COL27A1: variants seen among roughly 807,000 people sequenced by gnomAD.
COL27A1 encodes collagen alpha-1(XXVII) chain.
In COL27A1, 106 loss-of-function variants were observed where a neutral mutation model predicts 251.3. The observed-to-expected ratio is 0.42, with a 90% CI of 0.36 to 0.50. The LOEUF (loss-of-function observed/expected upper bound fraction) is 0.50. COL27A1 is among the 20% of genes least tolerant of loss of function. The probability of loss-of-function intolerance (pLI) is 0.00; values close to 1 mark genes in which losing one functional copy is unlikely to be tolerated. For synonymous variants in COL27A1, 1,000 were observed against 986.3 expected (o/e 1.01, Z -0.26); for missense variants, 2,325 against 2,522.8 (o/e 0.92, Z 1.68).
rs532652760 is a variant in COL27A1 at position 114,203,949 on chromosome 9, C to A, written c.2125-1153C>A. On this transcript the variant is annotated intron_variant, in intron 7 of 60. Transcript: ENST00000356083. Reference sequence around the variant, plus strand: ...TCTGTAAAATGGAGATGATAGTCGCCCCCGAGCCCAGCTCATCTGACTGTT... The same window carrying A: ...TCTGTAAAATGGAGATGATAGTCGCACCCGAGCCCAGCTCATCTGACTGTT... Among the ~76,000 whole-genome samples, 10 of 152,104 alleles carry A rather than the reference C, an allele frequency of 6.6e-5. No individual in the cohort carries two copies. The East Asian group carries it at 1.4e-3, about 21-fold the overall frequency.
intron 1 of COL27A1, among the ~76,000 whole-genome samples, chr9:114,161,073 G>A (rs1317038565): frequency 6.6e-6 from 1 of 152,128 alleles, no homozygotes; most frequent in East Asian, 1.9e-4. Flanking sequence ...GCAGTACTAG[G>A]GTTGGTGAAT....
chr9:114,163,131 G>T (rs537980382), intron 2 of COL27A1, among the ~76,000 whole-genome samples: 2 of 152,232 alleles, frequency 1.3e-5, no homozygotes, highest in East Asian at 3.9e-4. Context: ...CTACTCGGGA[G>T]GCTGAGGCAG....
In COL27A1 at chr9:114,197,701, A is replaced by G. The variant is rs146288144; in HGVS notation, c.2124+1689A>G. ...AAGGACCCCCAACCAAGAGGAGCCA[A>G]CTCACCTGAGCAGGGAGAGGCAGCT... On this transcript the variant is annotated intron_variant, in intron 7 of 60. Transcript: ENST00000356083. 5.4e-3 allele frequency among the ~76,000 whole-genome samples: 828 copies of G among 152,338 alleles called. 6 individuals carry two copies. The highest frequency in any genetic ancestry group is 0.019 in the African/African-American group (787 of 41,580).
At position 114,220,822 on chromosome 9, in the gene COL27A1, C is replaced by T. The variant is rs144932376; in HGVS notation, c.2421+978C>T. 4.2e-3 allele frequency among the ~76,000 whole-genome samples: 640 copies of T among 152,072 alleles called. 1 individual carries two copies. The highest frequency in any genetic ancestry group is 0.014 in the Middle Eastern group (4 of 294). The stretch of plus-strand genomic sequence containing the variant: ...CACCCTGGCCAACATGGCAAAACCC[C>T]GTCTCTACTAAAAATACAAAAAATT... On this transcript the variant is annotated intron_variant, in intron 13 of 60. Coordinates refer to ENST00000356083, the MANE Select transcript of COL27A1 (RefSeq NM_032888.4).
At chr9:114,263,706 C>G (rs538343968) in intron 28 of COL27A1, among the ~76,000 whole-genome samples, 3 of 152,132 alleles carry the variant, frequency 2.0e-5, no homozygotes, top group African/African-American at 7.2e-5. Flanking sequence ...AATCAGGGAC[C>G]AAGACTCCTG....
intron 10 of COL27A1, among the ~76,000 whole-genome samples, chr9:114,208,595 G>A (rs891908885): frequency 1.3e-5 from 2 of 152,224 alleles, no homozygotes; most frequent in African/African-American, 4.8e-5. Flanking sequence ...TTTTGTTAGA[G>A]TTATTATTAA....
chr9:114,170,661 T>TC (rs1423184976), intron 3 of COL27A1, among the ~76,000 whole-genome samples: 9 of 152,262 alleles, frequency 5.9e-5, no homozygotes, highest in Admixed American at 6.5e-5. Context: ...AACCATATTG[T>TC]CGAACTTATG....
At position 114,223,663 on chromosome 9, in the gene COL27A1, A is replaced by G. The variant is rs969964373; in HGVS notation, c.2466+1396A>G. ...ATTCCAGTCCAGTGGCTAAGAGAAC[A>G]GTTTCTGGAACCAGACCACCTAGGT... On this transcript the variant is annotated intron_variant, in intron 14 of 60. Coordinates refer to ENST00000356083, the MANE Select transcript of COL27A1 (RefSeq NM_032888.4). Among the ~76,000 whole-genome samples, 3 of 152,192 alleles carry G rather than the reference A, an allele frequency of 2.0e-5. 1 individual carries two copies. The highest frequency in any genetic ancestry group is 3.8e-4 in the East Asian group (2 of 5,200).
chr9:114,280,540 T>C (rs1044197755), intron 37 of COL27A1, among the ~76,000 whole-genome samples: 2 of 152,240 alleles, frequency 1.3e-5, no homozygotes, highest in African/African-American at 4.8e-5. Flanking sequence ...TTAAATAATA[T>C]TAAGAATTCA....
chr9:114,217,122 G>A (rs1361851251), intron 12 of COL27A1, among the ~76,000 whole-genome samples: 1 of 152,210 alleles, frequency 6.6e-6, no homozygotes, highest in Non-Finnish European at 1.5e-5. Flanking sequence ...GTTTACTGTT[G>A]CTATGATTGT....
At position 114,162,747 on chromosome 9, in the gene COL27A1, T is replaced by C. The variant is rs774989964; in HGVS notation, c.95T>C (p.Phe32Ser). ...GFLFSWILVSFACHLASTQGA... is the reference protein window; with the variant it reads ...GFLFSWILVSSACHLASTQGA... ...CTCTTCTCCTGGATCTTAGTCTCGTTTGCCTGTCACCTGGCCTCCACCCAA... is the reference window on the plus strand; with the variant it reads ...CTCTTCTCCTGGATCTTAGTCTCGTCTGCCTGTCACCTGGCCTCCACCCAA... The change falls in exon 2 of 61, where the codon TTT (phenylalanine) becomes TCT (serine). Residue 32 changes from phenylalanine to serine, a missense_variant. Phe to Ser is a radical substitution (Grantham distance 155). This residue lies in a region of COL27A1 where 1,183 missense variants were observed against 1,144.1 expected (regional missense o/e 1.03). Transcript: ENST00000356083. 7 of 1,612,794 alleles carry C rather than the reference T, an allele frequency of 4.3e-6. No individual in the cohort carries two copies. The South Asian group carries it at 7.7e-5, about 18-fold the overall frequency.
intron 4 of COL27A1, among the ~76,000 whole-genome samples, chr9:114,181,159 A>T (rs1215787315): frequency 6.6e-6 from 1 of 152,114 alleles, no homozygotes; most frequent in Non-Finnish European, 1.5e-5. Flanking sequence ...GAACAGAGGG[A>T]GAGACCGAGG....
chr9:114,155,388 TG>T (rs1179884000), upstream of COL27A1, among the ~76,000 whole-genome samples: 1 of 151,972 alleles, frequency 6.6e-6, no homozygotes, highest in Non-Finnish European at 1.5e-5. This position sits in a 1 kb window ranked among gnomAD's most constrained non-coding sequence, Gnocchi z 5.5. Context: ...CCATCGGGGC[TG>T]TAGTGGGCCA....
In COL27A1 at chr9:114,280,011, T is replaced by C. The variant is rs75953936; in HGVS notation, c.3718-2266T>C. ...AAATCCAGTGTATAGTATATTTTCATAGCATACTCAATTCAGATGTGAATT... is the reference window on the plus strand; with the variant it reads ...AAATCCAGTGTATAGTATATTTTCACAGCATACTCAATTCAGATGTGAATT... On this transcript the variant is annotated intron_variant, in intron 37 of 60. Coordinates refer to ENST00000356083, the MANE Select transcript of COL27A1 (RefSeq NM_032888.4). Among the ~76,000 whole-genome samples, 59 of 152,334 alleles carry C rather than the reference T, an allele frequency of 3.9e-4. No homozygotes were observed. In the East Asian group the frequency reaches 0.011, roughly 28 times the overall value.
chr9:114,172,679 A>G (rs1718832244), intron 3 of COL27A1, among the ~76,000 whole-genome samples: 1 of 152,138 alleles, frequency 6.6e-6, no homozygotes, highest in Non-Finnish European at 1.5e-5. Context: ...CTGTAATCCC[A>G]GTTACTTGGG....
In COL27A1 at chr9:114,167,856, G is replaced by T. The variant is rs749537461; in HGVS notation, c.301G>T (p.Val101Leu). 3.1e-6 allele frequency: 5 copies of T among 1,613,380 alleles called. No individual in the cohort carries two copies. The highest frequency in any genetic ancestry group is 4.2e-6 in the Non-Finnish European group (5 of 1,179,994). ...PAALGTELAL[V>L]LSLCSHRVNH... The stretch of plus-strand genomic sequence containing the variant: ...CGCCTTGGGCACAGAGCTGGCACTG[G>T]TGCTGAGCCTCTGCTCCCACCGGGT... The change falls in exon 3 of 61, where the codon GTG becomes TTG. Residue 101 changes from valine (V) to leucine (L), a missense_variant. Physicochemically the swap from Val to Leu is conservative, Grantham distance 32. Transcript: ENST00000356083.
intron 10 of COL27A1, among the ~76,000 whole-genome samples, chr9:114,207,031 A>G (rs1830014560): frequency 6.6e-6 from 1 of 152,164 alleles, no homozygotes; most frequent in Non-Finnish European, 1.5e-5. Context: ...AACTGGGTTC[A>G]TGGCGGGGCC....
intron 36 of COL27A1, chr9:114,271,721 C>G (rs751785477): frequency 6.6e-5 from 10 of 152,628 alleles, no homozygotes; most frequent in Non-Finnish European, 1.2e-4. Context: ...CGAGGCTGGC[C>G]GGTCACCCTG....
chr9:114,163,699 A>G (rs1405984690), intron 2 of COL27A1, among the ~76,000 whole-genome samples: 1 of 152,086 alleles, frequency 6.6e-6, no homozygotes, highest in Non-Finnish European at 1.5e-5. Context: ...TGACCTGGCC[A>G]CTCGGCAGGG....
Sources: gnomAD v4.1 joint callset for allele counts (sites outside exome capture counted in the v4.1 genomes callset) on GRCh38, gnomAD v4.1.1 for gene constraint, gnomAD v4.1.1 regional missense constraint, Gnocchi (gnomAD v3.1) non-coding constraint, MANE v1.5 for transcripts, NCBI Gene and HGNC (gene_info 2026-07-23, HGNC 2026-07-21) for gene names.